CDH18: variants seen among roughly 807,000 people sequenced by gnomAD.
CDH18 encodes cadherin 18.
Under a neutral mutation model 67.9 loss-of-function variants are expected in CDH18, and 31 were observed. That is an observed-to-expected ratio of 0.46 (90% CI 0.34 to 0.62). The LOEUF (loss-of-function observed/expected upper bound fraction) is 0.62, where lower values mean the gene tolerates loss of function less well. CDH18 is among the 20% of genes least tolerant of loss of function. The pLI, the probability that CDH18 is intolerant of heterozygous loss-of-function variation, is 0.01. For synonymous variants in CDH18, 362 were observed against 347.2 expected (o/e 1.04, Z -0.48); for missense variants, 890 against 975.5 (o/e 0.91, Z 1.17).
At chr5:20,165,640 G>A (rs2126628568) in intron 2 of CDH18, among the ~76,000 whole-genome samples, 1 of 152,148 alleles carries the variant, frequency 6.6e-6, no homozygotes, top group Middle Eastern at 3.4e-3. Context: ...GGATATTTGA[G>A]TTTAGTTGCT....
chr5:20,487,861 G>A (rs989524472), intron 1 of CDH18, among the ~76,000 whole-genome samples: 13 of 151,890 alleles, frequency 8.6e-5, no homozygotes, highest in Admixed American at 3.9e-4. Flanking sequence ...TTAATATCAC[G>A]AAGATAAATT....
chr5:19,531,795 G>A (rs1357619526), intron 9 of CDH18, among the ~76,000 whole-genome samples: 1 of 152,138 alleles, frequency 6.6e-6, no homozygotes, highest in Non-Finnish European at 1.5e-5. Context: ...AATTAGCCAG[G>A]TGTGGCTTCC....
chr5:20,024,190 A>G (rs1738685147), intron 2 of CDH18, among the ~76,000 whole-genome samples: 2 of 152,244 alleles, frequency 1.3e-5, no homozygotes, highest in Non-Finnish European at 2.9e-5. Flanking sequence ...AAACTTCATT[A>G]TTGATCTTTC....
At chr5:19,766,691 T>G (rs1285087806) in intron 3 of CDH18, among the ~76,000 whole-genome samples, 1 of 152,200 alleles carries the variant, frequency 6.6e-6, no homozygotes, top group Non-Finnish European at 1.5e-5. Flanking sequence ...ACTCTGAATT[T>G]CAGCAAACTA....
intron 5 of CDH18, among the ~76,000 whole-genome samples, chr5:19,710,832 T>C (rs2150527392): frequency 6.6e-6 from 1 of 152,232 alleles, no homozygotes; most frequent in Middle Eastern, 3.4e-3. Flanking sequence ...TCCAATAATA[T>C]GATGCCTTCA....
intron 1 of CDH18, among the ~76,000 whole-genome samples, chr5:20,393,842 T>C (rs1172628835): frequency 6.6e-6 from 1 of 151,878 alleles, no homozygotes; most frequent in Admixed American, 6.6e-5. Context: ...GGAATACCTC[T>C]AACCAAGGAG....
At chr5:20,336,270 C>T (rs1739725285) in intron 1 of CDH18, among the ~76,000 whole-genome samples, 1 of 151,864 alleles carries the variant, frequency 6.6e-6, no homozygotes, top group Admixed American at 6.6e-5. Context: ...GATCACCACT[C>T]CAGAGGGGGG....
chr5:20,422,599 A>G (rs1747948760), intron 1 of CDH18, among the ~76,000 whole-genome samples: 1 of 151,126 alleles, frequency 6.6e-6, no homozygotes, highest in Non-Finnish European at 1.5e-5. Context: ...CAGTTTTTAC[A>G]TAACAATAAA....
At chr5:20,380,600 GCA>G (rs1743832372) in intron 1 of CDH18, among the ~76,000 whole-genome samples, 1 of 152,020 alleles carries the variant, frequency 6.6e-6, no homozygotes, top group Non-Finnish European at 1.5e-5. Context: ...TTAATTTTAG[GCA>G]CACAACAGAT....
At chr5:20,505,889 C>T (rs549729099) in intron 1 of CDH18, among the ~76,000 whole-genome samples, 6 of 152,296 alleles carry the variant, frequency 3.9e-5, no homozygotes, top group African/African-American at 9.6e-5. Flanking sequence ...CACTCCCCCA[C>T]GAGAAAGACT....
intron 1 of CDH18, among the ~76,000 whole-genome samples, chr5:20,408,469 G>C (rs1746490874): frequency 6.6e-6 from 1 of 151,870 alleles, no homozygotes; most frequent in Non-Finnish European, 1.5e-5. Context: ...GAGGGAAGAA[G>C]TAAAATATAG....
chr5:20,131,622 T>C (rs1042240889), intron 2 of CDH18, among the ~76,000 whole-genome samples: 1 of 152,126 alleles, frequency 6.6e-6, no homozygotes, highest in African/African-American at 2.4e-5. Flanking sequence ...AGAAAAAGTA[T>C]ACACATATGT....
At chr5:20,090,513 C>T (rs1580215445) in intron 2 of CDH18, among the ~76,000 whole-genome samples, 1 of 151,698 alleles carries the variant, frequency 6.6e-6, no homozygotes, top group Admixed American at 6.6e-5. Context: ...CCAGCCTGGG[C>T]GACAGAGCAA....
At chr5:19,825,936 C>T (rs147969567) in intron 3 of CDH18, among the ~76,000 whole-genome samples, 174 of 152,156 alleles carry the variant, frequency 1.1e-3, no homozygotes, top group South Asian at 2.3e-3. Flanking sequence ...GAATGAAGAT[C>T]ATCAATGTTC....
chr5:20,271,375 T>C (rs1392675315), intron 1 of CDH18, among the ~76,000 whole-genome samples: 5 of 152,042 alleles, frequency 3.3e-5, no homozygotes, highest in African/African-American at 9.7e-5. Context: ...AGGGTGACTA[T>C]AGTCAACCAT....
intron 2 of CDH18, among the ~76,000 whole-genome samples, chr5:20,090,755 T>C (rs1580216148): frequency 6.6e-6 from 1 of 151,594 alleles, no homozygotes; most frequent in Non-Finnish European, 1.5e-5. Context: ...ACTGGCTGGG[T>C]GCGGTGACTC....
intron 1 of CDH18, among the ~76,000 whole-genome samples, chr5:20,310,638 G>T (rs1173834532): frequency 6.6e-6 from 1 of 152,102 alleles, no homozygotes; most frequent in Non-Finnish European, 1.5e-5. Context: ...GGGTCTGACC[G>T]GTGTAAGTGT....
chr5:19,827,768 G>C (rs983207961), intron 3 of CDH18, among the ~76,000 whole-genome samples: 3 of 152,064 alleles, frequency 2.0e-5, no homozygotes, highest in Admixed American at 1.3e-4. Flanking sequence ...ACAGTACTAA[G>C]TGCCCACTTC....
intron 1 of CDH18, among the ~76,000 whole-genome samples, chr5:20,499,103 T>C (rs1409766494): frequency 6.6e-6 from 1 of 151,802 alleles, no homozygotes; most frequent in South Asian, 2.1e-4. Context: ...AAACTATATA[T>C]ACATATACAC....
Sources: gnomAD v4.1 joint callset for allele counts (sites outside exome capture counted in the v4.1 genomes callset) on GRCh38, gnomAD v4.1.1 for gene constraint, MANE v1.5 for transcripts, NCBI Gene and HGNC (gene_info 2026-07-23, HGNC 2026-07-21) for gene names.